Variants in RGS20 observed in about 807,000 individuals in gnomAD.
RGS20 encodes regulator of G protein signaling 20, also known as gz-selective GTPase-activating protein.
In RGS20, 30 loss-of-function variants were observed where a neutral mutation model predicts 33.6. The ratio of observed to expected loss-of-function variants is 0.89; its 90% CI spans 0.67 to 1.21. The LOEUF is 1.21. Ranked by LOEUF, RGS20 falls within the 50% of genes most tolerant of loss-of-function variation. The pLI is 0.00. For synonymous variants in RGS20, 208 were observed against 197.9 expected (o/e 1.05, Z -0.43); for missense variants, 472 against 502.4 (o/e 0.94, Z 0.58).
At chr8:53,867,254 GAGA>G (rs1811941004) in intron 1 of RGS20, among the ~76,000 whole-genome samples, 1 of 152,028 alleles carries the variant, frequency 6.6e-6, no homozygotes, top group Non-Finnish European at 1.5e-5. Context: ...ACTCAAAAAA[GAGA>G]AGTTGTTTTT....
chr8:53,854,777 C>G (rs886971498), intron 1 of RGS20, among the ~76,000 whole-genome samples: 5 of 152,082 alleles, frequency 3.3e-5, no homozygotes, highest in Admixed American at 2.6e-4. Context: ...GGCATTTATC[C>G]CAGAGAAATG....
chr8:53,872,463 G>A (rs115033124), intron 1 of RGS20, among the ~76,000 whole-genome samples: 196 of 152,238 alleles, frequency 1.3e-3, no homozygotes, highest in African/African-American at 4.5e-3. Flanking sequence ...CACCATGAGA[G>A]CAGGTCATGC....
In RGS20 at chr8:53,958,266, A is replaced by G. The variant is rs1322833370; in HGVS notation, c.979-4A>G. The G allele has an allele frequency of 6.2e-7, 1 of 1,601,380 alleles. No homozygotes were observed. ...ATACAGCTCCTACTCGTTTCTGTCG[A>G]CAGGTGAGCTTAGACTCCCGGGTGA... is the stretch of plus-strand genomic sequence containing the variant. On this transcript the variant is annotated splice_polypyrimidine_tract_variant and splice_region_variant and intron_variant, in intron 5 of 5. Coordinates refer to ENST00000297313, the MANE Select transcript of RGS20 (RefSeq NM_170587.4).
chr8:53,955,836 A>AAAT (rs998490913), intron 5 of RGS20, among the ~76,000 whole-genome samples: 198 of 152,280 alleles, frequency 1.3e-3, no homozygotes, highest in African/African-American at 4.1e-3. Flanking sequence ...CATTTCAAAA[A>AAAT]AATAATAATA....
intron 5 of RGS20, among the ~76,000 whole-genome samples, chr8:53,955,627 C>T (rs1374763540): frequency 3.3e-5 from 5 of 152,042 alleles, no homozygotes; most frequent in South Asian, 2.1e-4. Context: ...GTCAGGAGTT[C>T]GAGACCAGCC....
chr8:53,948,292 T>G (rs1256109275), intron 4 of RGS20, among the ~76,000 whole-genome samples: 4 of 140,320 alleles, frequency 2.9e-5, no homozygotes, highest in African/African-American at 1.0e-4. Flanking sequence ...TATTTATATA[T>G]ACGATATATG....
At chr8:53,932,350 G>A (rs1181345997) in intron 2 of RGS20, among the ~76,000 whole-genome samples, 8 of 152,124 alleles carry the variant, frequency 5.3e-5, no homozygotes, top group South Asian at 2.1e-4. Context: ...CCACCCCCAC[G>A]GAACCCAGCA....
At chr8:53,864,588 A>C (rs531128914) in intron 1 of RGS20, among the ~76,000 whole-genome samples, 1 of 152,190 alleles carries the variant, frequency 6.6e-6, no homozygotes, top group South Asian at 2.1e-4. Flanking sequence ...AATAGTTGTT[A>C]ATCTAGTTAT....
chr8:53,864,430 G>GAAAAA (rs754317203), intron 1 of RGS20, among the ~76,000 whole-genome samples: 1 of 82,898 alleles, frequency 1.2e-5, no homozygotes. Flanking sequence ...AAGACTCCAT[G>GAAAAA]AAAAAAAAAA....
At chr8:53,908,713 G>A (rs1813252376) in intron 2 of RGS20, among the ~76,000 whole-genome samples, 1 of 151,886 alleles carries the variant, frequency 6.6e-6, no homozygotes, top group African/African-American at 2.4e-5. Context: ...TGAGGTGGGA[G>A]GATCACCTGA....
At chr8:53,943,134 G>A (rs1456717069) in intron 3 of RGS20, among the ~76,000 whole-genome samples, 1 of 152,178 alleles carries the variant, frequency 6.6e-6, no homozygotes, top group Non-Finnish European at 1.5e-5. Flanking sequence ...ATGGTAAACA[G>A]TAAGTTAAAA....
At chr8:53,882,400 C>G (rs1350008729) in intron 2 of RGS20, among the ~76,000 whole-genome samples, 1 of 152,074 alleles carries the variant, frequency 6.6e-6, no homozygotes, top group Non-Finnish European at 1.5e-5. Context: ...GCGAGCGACC[C>G]CAGCAGCAGG....
In RGS20 at chr8:53,879,467, C is replaced by T. The variant is rs750382413; in HGVS notation, c.375C>T (p.Gly125=). 4.5e-6 allele frequency: 7 copies of T among 1,548,834 alleles called. No homozygotes were observed. The Admixed American group carries it at 9.0e-5, about 20-fold the overall frequency. The stretch of plus-strand genomic sequence containing the variant: ...CGAGGGGGCACGAGGAGCTGCCGGG[C>T]CGCCTCTCGCTCCTGCTCGGGGCGG... Residue 125 remains glycine, a synonymous_variant, in exon 2 of 6, where the codon GGC becomes GGT. Transcript: ENST00000297313.
In RGS20 at chr8:53,924,149, C is replaced by T. The variant is rs965731478; in HGVS notation, c.511-15427C>T. On this transcript the variant is annotated intron_variant, in intron 2 of 5. Transcript: ENST00000297313. ...CCTCCAACCTCTGCCTCCTGAGTAGCTAGGACTACAGACGTGTGCCATCAG... is the reference window on the plus strand; with the variant it reads ...CCTCCAACCTCTGCCTCCTGAGTAGTTAGGACTACAGACGTGTGCCATCAG... Among the ~76,000 whole-genome samples, 4 of 151,916 alleles carry T rather than the reference C, an allele frequency of 2.6e-5. No homozygotes were observed. The South Asian group carries it at 6.2e-4, about 24-fold the overall frequency.
intron 2 of RGS20, among the ~76,000 whole-genome samples, chr8:53,890,399 C>T (rs1446406222): frequency 6.6e-6 from 1 of 152,156 alleles, no homozygotes; most frequent in African/African-American, 2.4e-5. Flanking sequence ...CCAATGAGAT[C>T]ATCTGTGTGC....
Position 53,911,870 on chromosome 8 carries a change from G to A in RGS20, c.511-27706G>A, listed in dbSNP as rs1381611701. 3.3e-5 allele frequency among the ~76,000 whole-genome samples: 5 copies of A among 152,334 alleles called. No individual in the cohort carries two copies. The South Asian group carries it at 8.3e-4, about 25-fold the overall frequency. ...GCATGAGAATCGCTTGAACCCGGGAGGTGAAAGTCGCAATTAGCCGAGATT... is the reference window on the plus strand; with the variant it reads ...GCATGAGAATCGCTTGAACCCGGGAAGTGAAAGTCGCAATTAGCCGAGATT... On this transcript the variant is annotated intron_variant, in intron 2 of 5. Transcript: ENST00000297313.
intron 2 of RGS20, among the ~76,000 whole-genome samples, chr8:53,924,739 CTGGGCAACCTACTAAGAGCCAGA>C (rs2129287404): frequency 6.6e-6 from 1 of 152,288 alleles, no homozygotes; most frequent in East Asian, 1.9e-4. Flanking sequence ...CACTGATCAT[CTGGGCAACCTACTAAGAGCCAGA>C]TGTTATGATG....
intron 2 of RGS20, among the ~76,000 whole-genome samples, chr8:53,913,299 G>A (rs774690620): frequency 6.6e-6 from 1 of 152,110 alleles, no homozygotes; most frequent in Non-Finnish European, 1.5e-5. Flanking sequence ...ACACTGGTTA[G>A]TCAACTCAGC....
intron 2 of RGS20, among the ~76,000 whole-genome samples, chr8:53,924,843 T>C (rs2129287421): frequency 6.6e-6 from 1 of 152,332 alleles, no homozygotes; most frequent in Non-Finnish European, 1.5e-5. Context: ...TCCAGCTCAT[T>C]CCAGACCATA....
Sources: allele counts gnomAD v4.1 joint callset (sites outside exome capture counted in the v4.1 genomes callset), GRCh38; gene constraint gnomAD v4.1.1; transcripts MANE v1.5; gene names NCBI Gene and HGNC (gene_info 2026-07-23, HGNC 2026-07-21).